LRRFIP1: variants seen among roughly 807,000 people sequenced by gnomAD.
LRRFIP1 encodes leucine-rich repeat flightless-interacting protein 1.
In LRRFIP1, 62 loss-of-function variants were observed where a neutral mutation model predicts 104.4. The observed-to-expected ratio is 0.59, with a 90% CI of 0.48 to 0.73. The LOEUF (loss-of-function observed/expected upper bound fraction) is 0.73, where lower values mean the gene tolerates loss of function less well. LRRFIP1 is among the 30% of genes least tolerant of loss of function. The pLI is 0.00. For missense variants in LRRFIP1, 796 were observed against 824.5 expected, an observed-to-expected ratio of 0.97 and a Z score of 0.42; for synonymous variants, 300 against 299.0, an observed-to-expected ratio of 1.00 and a Z score of -0.03.
At chr2:237,771,551 T>A (rs1455277502) in intron 20 of LRRFIP1, among the ~76,000 whole-genome samples, 192 of 49,806 alleles carry the variant, frequency 3.9e-3, no homozygotes, top group South Asian at 6.3e-3. Flanking sequence ...CTGGAACCAA[T>A]CCCCCCCCCC....
At chr2:237,715,272 T>C (rs2150108012) in intron 3 of LRRFIP1, among the ~76,000 whole-genome samples, 1 of 152,260 alleles carries the variant, frequency 6.6e-6, no homozygotes, top group East Asian at 1.9e-4. Flanking sequence ...GCTTGACTAG[T>C]GTTTCCAGGG....
chr2:237,681,369 CT>C (rs917786437), intron 1 of LRRFIP1, among the ~76,000 whole-genome samples: 2 of 151,948 alleles, frequency 1.3e-5, no homozygotes, highest in Non-Finnish European at 2.9e-5. Context: ...CAGTCCTATT[CT>C]TTTTTTTCTT....
chr2:237,658,606 G>A (rs976222365), intron 1 of LRRFIP1, among the ~76,000 whole-genome samples: 22 of 152,194 alleles, frequency 1.4e-4, no homozygotes, highest in Non-Finnish European at 2.9e-4. Context: ...CATAGCTGGA[G>A]AGGCCTCAGG....
At position 237,735,526 on chromosome 2, in the gene LRRFIP1, GT is replaced by G. The variant is rs1576012733; in HGVS notation, c.555+196del. On this transcript the variant is annotated intron_variant, in intron 10 of 23. Coordinates refer to ENST00000308482, the MANE Select transcript of LRRFIP1 (RefSeq NM_001137550.2). This position sits in a 1 kb window ranked among gnomAD's most constrained non-coding sequence, Gnocchi z 4.6. The stretch of plus-strand genomic sequence containing the variant: ...TGAATCAGGAAACCTCTGGTTGTTG[GT>G]TTCATGTCCTCACTCATCAGGGAGA... The G allele has an allele frequency of 3.6e-6, 2 of 562,564 alleles. No homozygotes were observed. The highest frequency in any genetic ancestry group is 6.2e-6 in the Non-Finnish European group (2 of 320,358). The allele number at this position is 562,564 out of a possible 1,614,324, so 34.8% of individuals were successfully genotyped here.
intron 1 of LRRFIP1, among the ~76,000 whole-genome samples, chr2:237,657,182 C>A (rs2149435651): frequency 6.6e-6 from 1 of 151,986 alleles, no homozygotes; most frequent in South Asian, 2.1e-4. Flanking sequence ...CACGTACCAG[C>A]CAGGCAGGGG....
chr2:237,676,312 C>A (rs1319409760), intron 1 of LRRFIP1, among the ~76,000 whole-genome samples: 1 of 152,138 alleles, frequency 6.6e-6, no homozygotes, highest in Admixed American at 6.5e-5. Context: ...TATTGCATGA[C>A]ACCAGCCTGC....
At chr2:237,667,350 T>G (rs1159669476) in intron 1 of LRRFIP1, among the ~76,000 whole-genome samples, 1 of 152,230 alleles carries the variant, frequency 6.6e-6, no homozygotes, top group Non-Finnish European at 1.5e-5. Context: ...AATTGTGGCT[T>G]CCGGCTTCAT....
At chr2:237,775,134 A>G (rs1441284025) in intron 23 of LRRFIP1, among the ~76,000 whole-genome samples, 2 of 152,370 alleles carry the variant, frequency 1.3e-5, no homozygotes, top group African/African-American at 4.8e-5. Context: ...AGGGAGGTCC[A>G]TAAAAGTGAC....
intron 1 of LRRFIP1, among the ~76,000 whole-genome samples, chr2:237,681,438 C>T (rs2091806560): frequency 6.6e-6 from 1 of 151,964 alleles, no homozygotes; most frequent in Admixed American, 6.6e-5. Context: ...GTGATCTTGG[C>T]TCACTGCAAC....
intron 7 of LRRFIP1, among the ~76,000 whole-genome samples, chr2:237,727,308 C>T (rs1444615552): frequency 6.7e-6 from 1 of 150,270 alleles, no homozygotes; most frequent in Non-Finnish European, 1.5e-5. Context: ...GTGAGCTGAG[C>T]TCACACTACT....
chr2:237,747,564 T>G (rs35543041), intron 11 of LRRFIP1, among the ~76,000 whole-genome samples: 4,813 of 152,284 alleles, frequency 0.032, 90 homozygotes, highest in Middle Eastern at 0.12. Context: ...TTCTCAAGCT[T>G]CATTATGAAT....
chr2:237,646,417 A>G (rs1378468128), intron 1 of LRRFIP1, among the ~76,000 whole-genome samples: 2 of 144,738 alleles, frequency 1.4e-5, no homozygotes, highest in Non-Finnish European at 3.0e-5. Context: ...TCCCCACCCC[A>G]CCCTCCGACA....
chr2:237,733,646 G>T, intron 8 of LRRFIP1, 128 bp from the exon 9 acceptor site: 1 of 859,764 alleles, frequency 1.2e-6, no homozygotes. Flanking sequence ...CGATCGGTTT[G>T]TTTCTGTTTA....
At chr2:237,705,400 G>A (rs2093753667) in intron 1 of LRRFIP1, among the ~76,000 whole-genome samples, 1 of 152,182 alleles carries the variant, frequency 6.6e-6, no homozygotes, top group Middle Eastern at 3.2e-3. Context: ...AGTGGCTCAT[G>A]CTGGTAATCC....
chr2:237,732,084 A>G (rs2095035371), intron 8 of LRRFIP1, among the ~76,000 whole-genome samples: 1 of 152,170 alleles, frequency 6.6e-6, no homozygotes. Context: ...AAAATTAAAT[A>G]TTTTTTTCTG....
At chr2:237,679,301 T>G (rs138986969) in intron 1 of LRRFIP1, among the ~76,000 whole-genome samples, 3 of 152,362 alleles carry the variant, frequency 2.0e-5, no homozygotes, top group Non-Finnish European at 4.4e-5. Context: ...AGTCCTGTAC[T>G]GTGTGATTAC....
chr2:237,773,230 G>A (rs980102986), intron 22 of LRRFIP1, among the ~76,000 whole-genome samples: 2 of 152,158 alleles, frequency 1.3e-5, no homozygotes, highest in East Asian at 1.9e-4. Flanking sequence ...TTAAAATTTT[G>A]TTCTTTAAAA....
At chr2:237,630,762 CCT>C (rs2082232738) in intron 1 of LRRFIP1, among the ~76,000 whole-genome samples, 1 of 152,216 alleles carries the variant, frequency 6.6e-6, no homozygotes, top group Non-Finnish European at 1.5e-5. Context: ...GTGGCTCCGG[CCT>C]CTTTTTCCCA....
chr2:237,708,553 C>T lies in LRRFIP1; in HGVS notation c.106C>T (p.Arg36Trp), dbSNP rs373403161. ...LNQIAREAEA[R>W]LAAKRAARAE... ...GCCCTGTCCGTTTCAGGCGGAAGCC[C>T]GGCTCGCTGCAAAACGGGCGGCCCG... The change falls in exon 2 of 24, where the codon CGG (arginine) becomes TGG (tryptophan). Residue 36 changes from arginine to tryptophan, a missense_variant. Transcript: ENST00000308482. 1.7e-5 allele frequency: 27 copies of T among 1,576,742 alleles called. No homozygotes were observed. Among genetic ancestry groups the T allele is most frequent in the East Asian group, 4.5e-5 (2 of 44,200 alleles).
Sources: allele counts gnomAD v4.1 joint callset (sites outside exome capture counted in the v4.1 genomes callset), GRCh38; gene constraint gnomAD v4.1.1; non-coding constraint Gnocchi (gnomAD v3.1); transcripts MANE v1.5; gene names NCBI Gene and HGNC (gene_info 2026-07-23, HGNC 2026-07-21).